The following LSAMP variants were observed in gnomAD, a reference collection of about 807,000 sequenced individuals.
LSAMP encodes the protein limbic system associated membrane protein, also known as limbic system-associated membrane protein.
Under a neutral mutation model 38.6 loss-of-function variants are expected in LSAMP, and 7 were observed. The observed-to-expected ratio is 0.18, with a 90% confidence interval of 0.10 to 0.34. The LOEUF (loss-of-function observed/expected upper bound fraction) is 0.34. Ranked by LOEUF, LSAMP falls within the 10% of genes least tolerant of loss-of-function variation. LSAMP has a pLI of 1.00. For missense variants in LSAMP, 313 were observed against 420.0 expected, an observed-to-expected ratio of 0.75 and a Z score of 2.23; for synonymous variants, 154 against 166.8, an observed-to-expected ratio of 0.92 and a Z score of 0.59.
At chr3:115,914,196 G>A (rs562314946) in intron 3 of LSAMP, among the ~76,000 whole-genome samples, 22 of 152,238 alleles carry the variant, frequency 1.4e-4, no homozygotes, top group African/African-American at 3.4e-4. Context: ...CCCTCTTTGC[G>A]TCGATGTTGA....
chr3:116,108,277 A>C (rs1708514023), intron 1 of LSAMP, among the ~76,000 whole-genome samples: 1 of 151,992 alleles, frequency 6.6e-6, no homozygotes, highest in African/African-American at 2.4e-5. Flanking sequence ...AATTTAGTTA[A>C]AGTATCTCGG....
At chr3:115,843,686 A>AT (rs72415585) in intron 4 of LSAMP, among the ~76,000 whole-genome samples, 50,540 of 151,100 alleles carry the variant, frequency 0.33, 8,677 homozygotes, top group Admixed American at 0.44. Flanking sequence ...CTTGTTTCTG[A>AT]TATTTTTTTT....
At chr3:116,160,068 G>A (rs4560296) in intron 1 of LSAMP, among the ~76,000 whole-genome samples, 37,310 of 151,970 alleles carry the variant, frequency 0.25, 4,627 homozygotes, top group Admixed American at 0.28. Flanking sequence ...AGACACTGGG[G>A]CCTACTCAGG....
At chr3:116,163,591 C>T (rs1385666912) in intron 1 of LSAMP, among the ~76,000 whole-genome samples, 1 of 151,890 alleles carries the variant, frequency 6.6e-6, no homozygotes, top group Non-Finnish European at 1.5e-5. Flanking sequence ...GGTATATACC[C>T]AGTAATGGGA....
chr3:115,818,790 T>TATATATATATATATATA (rs1934117792), intron 6 of LSAMP, among the ~76,000 whole-genome samples: 1 of 69,786 alleles, frequency 1.4e-5, no homozygotes, highest in Non-Finnish European at 3.0e-5. Flanking sequence ...AGTTGTACTT[T>TATATATATATATATATA]TATATATATA....
chr3:116,226,863 C>A (rs2046347841), intron 1 of LSAMP, among the ~76,000 whole-genome samples: 1 of 152,204 alleles, frequency 6.6e-6, no homozygotes, highest in African/African-American at 2.4e-5. Flanking sequence ...CTCACCCAAG[C>A]TCCTCACACG....
intron 1 of LSAMP, among the ~76,000 whole-genome samples, chr3:116,088,997 A>G (rs1708056213): frequency 6.6e-6 from 1 of 152,184 alleles, no homozygotes; most frequent in South Asian, 2.1e-4. Flanking sequence ...GCACCCACAA[A>G]TAAATTGGAC....
intron 1 of LSAMP, among the ~76,000 whole-genome samples, chr3:116,240,127 G>A (rs1014688610): frequency 7.9e-5 from 12 of 152,002 alleles, no homozygotes; most frequent in Non-Finnish European, 1.2e-4. Context: ...AAGAAAGTAC[G>A]GTTCTAAGAA....
intron 1 of LSAMP, among the ~76,000 whole-genome samples, chr3:116,221,732 ACTTCC>A (rs2046287536): frequency 6.6e-6 from 1 of 152,064 alleles, no homozygotes; most frequent in Non-Finnish European, 1.5e-5. Context: ...GTGTCTCACT[ACTTCC>A]ATCCTCACTC....
chr3:116,061,662 T>C (rs1181571174), intron 2 of LSAMP, among the ~76,000 whole-genome samples: 1 of 152,210 alleles, frequency 6.6e-6, no homozygotes, highest in East Asian at 1.9e-4. Flanking sequence ...CCTATCACCA[T>C]CAGATATATT....
chr3:116,120,689 G>C (rs79286691), intron 1 of LSAMP, among the ~76,000 whole-genome samples: 1,534 of 152,214 alleles, frequency 0.01, 22 homozygotes, highest in African/African-American at 0.033. Context: ...AACCTGCTTT[G>C]ATTTCCAGGT....
chr3:116,292,262 A>T (rs1282066453), intron 1 of LSAMP, among the ~76,000 whole-genome samples: 1 of 152,194 alleles, frequency 6.6e-6, no homozygotes, highest in African/African-American at 2.4e-5. Flanking sequence ...AAGTCAACTC[A>T]TCTTTAATCC....
intron 1 of LSAMP, among the ~76,000 whole-genome samples, chr3:116,127,704 T>A (rs993440715): frequency 7.6e-6 from 1 of 131,158 alleles, no homozygotes. Flanking sequence ...CATTTTTTTT[T>A]TTTTTTTTTT....
chr3:115,842,630 T>G (rs1935033919), intron 4 of LSAMP, 52 bp from the exon 5 acceptor site: 2 of 1,602,968 alleles, frequency 1.2e-6, no homozygotes, highest in Non-Finnish European at 1.7e-6. Flanking sequence ...GTGCTTAGAA[T>G]TTCTATTCAG....
chr3:116,265,957 GT>G (rs11391588), intron 1 of LSAMP, among the ~76,000 whole-genome samples: 1 of 150,890 alleles, frequency 6.6e-6, no homozygotes, highest in African/African-American at 2.4e-5. Flanking sequence ...AAGTTGTGGG[GT>G]TTTTTTTTCC....
At position 116,206,852 on chromosome 3, in the gene LSAMP, C is replaced by G. The variant is rs201725448; in HGVS notation, c.156-120296G>C. Among the ~76,000 whole-genome samples, 36 of 150,902 alleles carry G rather than the reference C, an allele frequency of 2.4e-4. No homozygotes were observed. The East Asian group carries it at 4.9e-3, about 21-fold the overall frequency. Reference sequence around the variant, plus strand: ...TGTGGTCAATTTTGGAATAGGTGTGCTGTGGTGCTGAAAAAAATGTATATT... The same window carrying G: ...TGTGGTCAATTTTGGAATAGGTGTGGTGTGGTGCTGAAAAAAATGTATATT... On this transcript the variant is annotated intron_variant, in intron 1 of 6. Transcript: ENST00000490035.
At chr3:115,964,953 C>T (rs1476744883) in intron 3 of LSAMP, among the ~76,000 whole-genome samples, 1 of 152,098 alleles carries the variant, frequency 6.6e-6, no homozygotes, top group East Asian at 1.9e-4. Context: ...ATTAAGATAT[C>T]AGTTATTCTC....
chr3:116,036,620 A>G (rs1005415566), intron 2 of LSAMP, among the ~76,000 whole-genome samples: 2 of 152,216 alleles, frequency 1.3e-5, no homozygotes, highest in Non-Finnish European at 2.9e-5. Context: ...TAAGTCACTG[A>G]GCCTGGAAAT....
At chr3:116,379,334 G>A (rs2048530188) in intron 1 of LSAMP, among the ~76,000 whole-genome samples, 1 of 152,046 alleles carries the variant, frequency 6.6e-6, no homozygotes, top group African/African-American at 2.4e-5. Flanking sequence ...CTGAGTAGGT[G>A]AGAAGGACAA....
Sources: gnomAD v4.1 joint callset for allele counts (sites outside exome capture counted in the v4.1 genomes callset) on GRCh38, gnomAD v4.1.1 for gene constraint, MANE v1.5 for transcripts, NCBI Gene and HGNC (gene_info 2026-07-23, HGNC 2026-07-21) for gene names.